Variants in TCF7L1 observed in about 807,000 individuals in gnomAD.
TCF7L1 encodes transcription factor 7-like 1.
A neutral mutation model predicts 63.7 loss-of-function variants in TCF7L1; 18 were observed. That is an observed-to-expected ratio of 0.28 (90% CI 0.20 to 0.42). TCF7L1 has a LOEUF of 0.42. Ranked by LOEUF, TCF7L1 falls within the 10% of genes least tolerant of loss-of-function variation. The probability of loss-of-function intolerance (pLI) is 1.00; values close to 1 mark genes in which losing one functional copy is unlikely to be tolerated. For synonymous variants in TCF7L1, 355 were observed against 340.9 expected (o/e 1.04, Z -0.46); for missense variants, 654 against 779.3 (o/e 0.84, Z 1.91).
intron 3 of TCF7L1, among the ~76,000 whole-genome samples, chr2:85,257,854 T>C (rs1309400788): frequency 6.6e-6 from 1 of 152,214 alleles, no homozygotes; most frequent in Non-Finnish European, 1.5e-5. Flanking sequence ...GGGTTCCACA[T>C]TATGAATGTC....
At chr2:85,294,026 A>ATTT (rs774050758) in intron 4 of TCF7L1, among the ~76,000 whole-genome samples, 6 of 59,484 alleles carry the variant, frequency 1.0e-4, no homozygotes, top group East Asian at 8.6e-4. Flanking sequence ...GAACACTGGG[A>ATTT]TTTTTTTTTT....
chr2:85,197,876 G>A, intron 3 of TCF7L1, among the ~76,000 whole-genome samples: 1 of 152,200 alleles, frequency 6.6e-6, no homozygotes, highest in East Asian at 1.9e-4. Context: ...GGTTCTAGAA[G>A]AGAGTCTGCC....
intron 10 of TCF7L1, 99 bp from the exon 11 acceptor site, chr2:85,307,543 G>A (rs1457110065): frequency 1.5e-5 from 15 of 1,033,018 alleles, no homozygotes; most frequent in Non-Finnish European, 2.1e-5. Context: ...ATCGAGAGCA[G>A]TAAAGGGCAA....
At chr2:85,138,936 T>C (rs1300052969) in intron 3 of TCF7L1, among the ~76,000 whole-genome samples, 3 of 152,206 alleles carry the variant, frequency 2.0e-5, no homozygotes, top group African/African-American at 7.2e-5. Context: ...AAGGCCCTAC[T>C]TACATTCTAA....
intron 3 of TCF7L1, among the ~76,000 whole-genome samples, chr2:85,218,651 A>G (rs951912281): frequency 1.3e-5 from 2 of 150,698 alleles, no homozygotes; most frequent in East Asian, 1.9e-4. Context: ...GGGGGGGGAA[A>G]ACTGGTGATA....
intron 3 of TCF7L1, among the ~76,000 whole-genome samples, chr2:85,135,932 G>A (rs200470271): frequency 7.1e-3 from 41 of 5,758 alleles, no homozygotes; most frequent in African/African-American, 0.027. Flanking sequence ...GCCAATCAAA[G>A]GGGGGGGGGG....
chr2:85,250,037 G>A (rs1680554753), intron 3 of TCF7L1, among the ~76,000 whole-genome samples: 1 of 152,222 alleles, frequency 6.6e-6, no homozygotes, highest in South Asian at 2.1e-4. Context: ...GCAGTGGACT[G>A]TGTGCCCAAT....
At chr2:85,212,408 A>C (rs1358264502) in intron 3 of TCF7L1, among the ~76,000 whole-genome samples, 2 of 152,238 alleles carry the variant, frequency 1.3e-5, no homozygotes, top group African/African-American at 4.8e-5. Flanking sequence ...GTAAAAGCCC[A>C]GAAGCACCTG....
At chr2:85,206,074 C>A (rs1231366097) in intron 3 of TCF7L1, among the ~76,000 whole-genome samples, 2 of 152,252 alleles carry the variant, frequency 1.3e-5, no homozygotes, top group Non-Finnish European at 2.9e-5. Context: ...TACCTGTTAG[C>A]TGGGGCTATT....
At chr2:85,171,442 C>T (rs956743658) in intron 3 of TCF7L1, among the ~76,000 whole-genome samples, 1 of 152,202 alleles carries the variant, frequency 6.6e-6, no homozygotes, top group Admixed American at 6.5e-5. Flanking sequence ...ACAACAACTT[C>T]TAGGGTGATT....
rs377471494 is a variant in TCF7L1, at chr2:85,250,914, G to A, written c.442-32581G>A. Reference sequence around the variant, plus strand: ...GACCTTTCAGAGCCACTAAAGAAAGGCAAAGGAGAAACTGTAGTCTCGGAG... The same window carrying A: ...GACCTTTCAGAGCCACTAAAGAAAGACAAAGGAGAAACTGTAGTCTCGGAG... On this transcript the variant is annotated intron_variant, in intron 3 of 11. Coordinates refer to ENST00000282111, the MANE Select transcript of TCF7L1 (RefSeq NM_031283.3). Among the ~76,000 whole-genome samples the A allele has an allele frequency of 7.9e-4, 121 of 152,310 alleles. No homozygotes were observed. In the East Asian group the frequency reaches 0.013, roughly 16 times the overall value.
At chr2:85,183,472 T>A (rs2104253513) in intron 3 of TCF7L1, among the ~76,000 whole-genome samples, 1 of 152,334 alleles carries the variant, frequency 6.6e-6, no homozygotes, top group Admixed American at 6.5e-5. Flanking sequence ...GCTTCTGACA[T>A]TTCCATGATT....
chr2:85,180,040 C>G (rs1678765781), intron 3 of TCF7L1, among the ~76,000 whole-genome samples: 1 of 151,938 alleles, frequency 6.6e-6, no homozygotes, highest in African/African-American at 2.4e-5. Flanking sequence ...GTGTCACTGC[C>G]CAGGACGTGG....
At chr2:85,192,064 G>T (rs1328636010) in intron 3 of TCF7L1, among the ~76,000 whole-genome samples, 1 of 152,188 alleles carries the variant, frequency 6.6e-6, no homozygotes. Context: ...GTGCTGCATA[G>T]GGCTGGGTGT....
chr2:85,177,681 G>A (rs955922844), intron 3 of TCF7L1, among the ~76,000 whole-genome samples: 1 of 151,856 alleles, frequency 6.6e-6, no homozygotes, highest in Non-Finnish European at 1.5e-5. Flanking sequence ...CTCCAGCCTG[G>A]GCAACAGAGC....
intron 3 of TCF7L1, among the ~76,000 whole-genome samples, chr2:85,172,794 C>T (rs1264738572): frequency 6.6e-6 from 1 of 152,234 alleles, no homozygotes; most frequent in Admixed American, 6.5e-5. Context: ...TTTAGTTTAA[C>T]CGTCACCTCC....
intron 3 of TCF7L1, among the ~76,000 whole-genome samples, chr2:85,192,218 A>G (rs921959603): frequency 6.6e-6 from 1 of 152,166 alleles, no homozygotes; most frequent in African/African-American, 2.4e-5. Flanking sequence ...CATGTTTTCT[A>G]TCCTCCTCAT....
Position 85,306,522 on chromosome 2 carries a change from C to T in TCF7L1, c.1220C>T (p.Ser407Leu), listed in dbSNP as rs890539049. 6 of 1,614,190 alleles carry T rather than the reference C, an allele frequency of 3.7e-6. No individual in the cohort carries two copies. Among genetic ancestry groups the T allele is most frequent in the Non-Finnish European group, 5.1e-6 (6 of 1,180,048 alleles). The change falls in exon 10 of 12, where the codon TCG (serine) becomes TTG (leucine). Residue 407 changes from serine (S) to leucine (L), a missense_variant. Around this residue, in one of 3 missense-constraint regions of TCF7L1, gnomAD observed 66 missense variants for 120.5 expected, o/e 0.55. Coordinates refer to ENST00000282111, the MANE Select transcript of TCF7L1 (RefSeq NM_031283.3). The surrounding 1 kb of genome is among the most constrained non-coding windows in gnomAD (Gnocchi z 4.3). ...ELARKERQLH[S>L]QLYPTWSARD... ...GCCCGGAAGGAGCGGCAGCTTCACT[C>T]GCAGCTCTACCCAACCTGGTCAGCC...
chr2:85,133,970 G>T lies in TCF7L1; in HGVS notation c.249+37G>T, dbSNP rs1422869777. The T allele has an allele frequency of 3.2e-6, 5 of 1,584,676 alleles. No individual in the cohort carries two copies. Among genetic ancestry groups the T allele is most frequent in the Middle Eastern group, 3.3e-4 (2 of 5,978 alleles). On this transcript the variant is annotated intron_variant, in intron 1 of 11. Coordinates refer to ENST00000282111, the MANE Select transcript of TCF7L1 (RefSeq NM_031283.3). This position sits in a 1 kb window ranked among gnomAD's most constrained non-coding sequence, Gnocchi z 4.4. ...CCGCGGCCACCCCCGGGGGATCCCG[G>T]CCCTGCGTCCGCTCACCCGCTCTTG...
Sources: gnomAD v4.1 joint callset for allele counts (sites outside exome capture counted in the v4.1 genomes callset) on GRCh38, gnomAD v4.1.1 for gene constraint, gnomAD v4.1.1 regional missense constraint, Gnocchi (gnomAD v3.1) non-coding constraint, MANE v1.5 for transcripts, NCBI Gene and HGNC (gene_info 2026-07-23, HGNC 2026-07-21) for gene names.